The following BCAR3 variants were observed in gnomAD, a reference collection of about 807,000 sequenced individuals.
The protein encoded by BCAR3 is BCAR3 adaptor protein, NSP family member.
In BCAR3, 37 loss-of-function variants were observed where a neutral mutation model predicts 80.1. The ratio of observed to expected loss-of-function variants is 0.46; its 90% CI spans 0.36 to 0.61. BCAR3 has a LOEUF of 0.61. BCAR3 is among the 20% of genes least tolerant of loss of function. The probability of loss-of-function intolerance (pLI) is 0.00; values close to 1 mark genes in which losing one functional copy is unlikely to be tolerated. For missense variants in BCAR3, 978 were observed against 1,068.2 expected (o/e 0.92, Z 1.18); for synonymous variants, 389 against 418.9 (o/e 0.93, Z 0.87).
chr1:93,593,412 G>A (rs1234687671), intron 3 of BCAR3, among the ~76,000 whole-genome samples: 4 of 152,244 alleles, frequency 2.6e-5, no homozygotes, highest in Admixed American at 6.5e-5. Flanking sequence ...GCACAGTGGT[G>A]CAATCTCAGC....
intron 3 of BCAR3, among the ~76,000 whole-genome samples, 199 bp downstream of exon 3, chr1:93,642,105 G>A (rs1165081120): frequency 1.3e-5 from 2 of 152,144 alleles, no homozygotes; most frequent in Admixed American, 6.5e-5. Flanking sequence ...CCAGATAAGG[G>A]TACCTGTAAT....
chr1:93,692,066 TAA>T (rs1374885022), intron 3 of BCAR3, among the ~76,000 whole-genome samples: 1 of 152,222 alleles, frequency 6.6e-6, no homozygotes, highest in East Asian at 1.9e-4. Flanking sequence ...GGTGCTATGA[TAA>T]AGACAATCTA....
intron 2 of BCAR3, among the ~76,000 whole-genome samples, chr1:93,819,586 TGA>T (rs1654143353): frequency 6.6e-6 from 1 of 152,228 alleles, no homozygotes; most frequent in Non-Finnish European, 1.5e-5. Flanking sequence ...ACTTACTACT[TGA>T]AAGTGGATTA....
chr1:93,703,968 A>G (rs58024738), intron 3 of BCAR3, among the ~76,000 whole-genome samples: 2,185 of 152,372 alleles, frequency 0.014, 50 homozygotes, highest in African/African-American at 0.05. Flanking sequence ...AATGAATTAA[A>G]ATTAAGTGAA....
intron 3 of BCAR3, among the ~76,000 whole-genome samples, chr1:93,688,778 TTTTGTTTG>T (rs139919913): frequency 0.043 from 6,420 of 150,568 alleles, 163 homozygotes; most frequent in African/African-American, 0.061. Context: ...TTTTGTTTGT[TTTTGTTTG>T]TTTGTTTGTT....
chr1:93,740,948 T>C (rs1173808081), intron 2 of BCAR3, among the ~76,000 whole-genome samples: 1 of 152,204 alleles, frequency 6.6e-6, no homozygotes, highest in Non-Finnish European at 1.5e-5. Flanking sequence ...GTCTGCCGAC[T>C]TCCATATCCT....
intron 2 of BCAR3, among the ~76,000 whole-genome samples, chr1:93,788,359 C>A (rs1214757305): frequency 6.6e-6 from 1 of 152,056 alleles, no homozygotes; most frequent in Non-Finnish European, 1.5e-5. Context: ...TTATTTAGTG[C>A]CTAAATACCC....
intron 2 of BCAR3, 76 bp downstream of exon 2, chr1:93,674,538 C>G (rs1358350369): frequency 1.3e-6 from 2 of 1,492,068 alleles, no homozygotes; most frequent in African/African-American, 2.8e-5. Flanking sequence ...GTGTGAGCCA[C>G]CACGCCCGGC....
intron 2 of BCAR3, among the ~76,000 whole-genome samples, chr1:93,837,085 G>A (rs1007955003): frequency 3.9e-5 from 6 of 152,236 alleles, no homozygotes; most frequent in African/African-American, 1.2e-4. Context: ...GGATGCACAC[G>A]ACAGCATCAG....
chr1:93,768,986 G>A (rs1186715055), intron 2 of BCAR3, among the ~76,000 whole-genome samples: 1 of 152,218 alleles, frequency 6.6e-6, no homozygotes, highest in Non-Finnish European at 1.5e-5. Flanking sequence ...TTCAAGACCT[G>A]AGATCTGAGT....
At chr1:93,764,542 T>C (rs1389731819) in intron 2 of BCAR3, among the ~76,000 whole-genome samples, 1 of 152,024 alleles carries the variant, frequency 6.6e-6, no homozygotes, top group African/African-American at 2.4e-5. Flanking sequence ...CAGTCACATC[T>C]CTGCTGCGGC....
Position 93,787,356 on chromosome 1 carries a change from GGGTTT to G in BCAR3, c.-63+58206_-63+58210del, listed in dbSNP as rs1338134972. ...TAATTTCTTTTATTCTGCTGGGTTTGGGTTTGGTTTGTTCTTGTTTCTCTAGTTCC... is the reference window on the plus strand; with the variant it reads ...TAATTTCTTTTATTCTGCTGGGTTTGGGTTTGTTCTTGTTTCTCTAGTTCC... On this transcript the variant is annotated intron_variant, in intron 2 of 13. Coordinates refer to the BCAR3 transcript ENST00000370244. Among the ~76,000 whole-genome samples the G allele has an allele frequency of 2.0e-5, 3 of 152,264 alleles. No individual in the cohort carries two copies. In the East Asian group the frequency reaches 5.8e-4, roughly 29 times the overall value.
chr1:93,670,364 A>AC (rs1321253875), intron 2 of BCAR3, among the ~76,000 whole-genome samples: 3 of 152,098 alleles, frequency 2.0e-5, no homozygotes, highest in Admixed American at 2.0e-4. Flanking sequence ...AAAAGAGAAG[A>AC]CCAACTCCCC....
chr1:93,567,585 C>T, intron 10 of BCAR3, 94 bp from the exon 11 acceptor site: 1 of 1,457,414 alleles, frequency 6.9e-7, no homozygotes. Context: ...GTTACAGCAA[C>T]TGCAGCCTTC....
chr1:93,776,700 C>G (rs1652564457), intron 2 of BCAR3, among the ~76,000 whole-genome samples: 3 of 152,084 alleles, frequency 2.0e-5, no homozygotes. Flanking sequence ...TTTAACATGC[C>G]TTTTTGTACT....
chr1:93,640,465 T>TA (rs1020231583), intron 3 of BCAR3, among the ~76,000 whole-genome samples: 1 of 152,102 alleles, frequency 6.6e-6, no homozygotes, highest in African/African-American at 2.4e-5. Flanking sequence ...ACATGATTTA[T>TA]AAGGCTCTGA....
chr1:93,567,507 T>G lies in BCAR3; in HGVS notation c.2087-16A>C. On this transcript the variant is annotated splice_polypyrimidine_tract_variant and intron_variant, in intron 10 of 11. Coordinates refer to ENST00000260502, the MANE Select transcript of BCAR3 (RefSeq NM_003567.4). ...CATGTGGACTCTGAAGAATAAGGAGTAGAGTTTTCCATATCACATGTTTTC... is the reference window on the plus strand; with the variant it reads ...CATGTGGACTCTGAAGAATAAGGAGGAGAGTTTTCCATATCACATGTTTTC... 1 of 1,611,048 alleles carries G rather than the reference T, an allele frequency of 6.2e-7. No homozygotes were observed. Among genetic ancestry groups the G allele is most frequent in the Non-Finnish European group, 8.5e-7 (1 of 1,177,826 alleles).
intron 11 of BCAR3, among the ~76,000 whole-genome samples, 165 bp from the exon 12 acceptor site, chr1:93,562,584 A>G (rs1426860445): frequency 6.6e-6 from 1 of 152,014 alleles, no homozygotes; most frequent in East Asian, 1.9e-4. Flanking sequence ...CCTGGCTAAC[A>G]CAGTGAAATC....
chr1:93,585,858 C>T (rs551268050), intron 5 of BCAR3, among the ~76,000 whole-genome samples: 5 of 152,132 alleles, frequency 3.3e-5, no homozygotes, highest in Non-Finnish European at 7.4e-5. Flanking sequence ...CCCACCTCAG[C>T]CTCTCGAGTA....
Sources: allele counts gnomAD v4.1 joint callset (sites outside exome capture counted in the v4.1 genomes callset), GRCh38; gene constraint gnomAD v4.1.1; transcripts MANE v1.5; gene names NCBI Gene and HGNC (gene_info 2026-07-23, HGNC 2026-07-21).